The following KRT86 variants were observed in gnomAD, a reference collection of about 807,000 sequenced individuals.
KRT86 encodes keratin 86.
In KRT86, 30 loss-of-function variants were observed where a neutral mutation model predicts 41.2. The observed-to-expected ratio is 0.73, with a 90% CI of 0.54 to 0.99. KRT86 has a LOEUF of 0.99. KRT86 is among the 50% of genes least tolerant of loss of function. The probability of loss-of-function intolerance (pLI) is 0.00; values close to 1 mark genes in which losing one functional copy is unlikely to be tolerated. For missense variants in KRT86, 561 were observed against 571.4 expected (o/e 0.98, Z 0.19); for synonymous variants, 238 against 238.1 (o/e 1.00, Z 0.00).
intron 2 of KRT86, chr12:52,291,243 G>A (rs1938107948): frequency 6.6e-7 from 1 of 1,505,334 alleles, no homozygotes; most frequent in East Asian, 2.5e-5. Context: ...ATGCATGGGG[G>A]ACTGGGCCCG....
rs1430242932 is a variant in KRT86 at position 52,288,122 on chromosome 12, G to C, written c.-5+12176G>C. 4 of 1,614,058 alleles carry C rather than the reference G, an allele frequency of 2.5e-6. No homozygotes were observed. In the Admixed American group the frequency reaches 5.0e-5, roughly 20 times the overall value. On this transcript the variant is annotated intron_variant, in intron 2 of 10. Coordinates refer to ENST00000423955, the MANE Select transcript of KRT86 (RefSeq NM_001320198.2). Reference sequence around the variant, plus strand: ...GCTTGACAACCACGGAGGTGTCTGAGATGTGCGACTGGAGAATGAGGATCT... The same window carrying C: ...GCTTGACAACCACGGAGGTGTCTGACATGTGCGACTGGAGAATGAGGATCT...
intron 2 of KRT86, among the ~76,000 whole-genome samples, chr12:52,296,409 A>G (rs752192789): frequency 6.6e-6 from 1 of 152,156 alleles, no homozygotes; most frequent in Non-Finnish European, 1.5e-5. Flanking sequence ...AGAGGTGGGC[A>G]CTGTAGTTCC....
At position 52,305,653 on chromosome 12, in the gene KRT86, C is replaced by T; in HGVS notation, c.901-10C>T. On this transcript the variant is annotated splice_polypyrimidine_tract_variant and intron_variant, in intron 7 of 10. Transcript: ENST00000423955. ...ACCCTGAACCTCATGAGCATCTCTA[C>T]TTCCCCCAGTGTGAGGAGATGAAGG... 1.2e-6 allele frequency: 2 copies of T among 1,614,120 alleles called. No individual in the cohort carries two copies. The highest frequency in any genetic ancestry group is 1.1e-5 in the South Asian group (1 of 91,076).
At chr12:52,297,657 C>G (rs1412690212) in intron 2 of KRT86, among the ~76,000 whole-genome samples, 2 of 152,220 alleles carry the variant, frequency 1.3e-5, no homozygotes, top group Non-Finnish European at 2.9e-5. Flanking sequence ...ATCTCCAGAT[C>G]TGAAGGTCTT....
chr12:52,304,980 G>A lies in KRT86; in HGVS notation c.688G>A (p.Glu230Lys). The A allele has an allele frequency of 3.1e-6, 5 of 1,614,188 alleles. No homozygotes were observed. Among genetic ancestry groups the A allele is most frequent in the African/African-American group, 1.3e-5 (1 of 75,062 alleles). Residue 230 changes from glutamate (E) to lysine (K), a missense_variant, in exon 6 of 11, where the codon GAG becomes AAG. Glu to Lys is a moderately conservative substitution (Grantham distance 56, BLOSUM62 1). Transcript: ENST00000423955. ...LRKSDLEANV[E>K]ALIQEIDFLR... ...CAAATCAGACCTGGAGGCCAATGTG[G>A]AGGCCCTGATCCAGGAGATCGACTT...
chr12:52,277,127 G>A (rs1317648416), intron 2 of KRT86, among the ~76,000 whole-genome samples: 1 of 152,074 alleles, frequency 6.6e-6, no homozygotes, highest in African/African-American at 2.4e-5. Context: ...GTTCCCGTGA[G>A]GAATGGATAT....
chr12:52,292,919 C>G (rs1565743824), intron 2 of KRT86, among the ~76,000 whole-genome samples: 1 of 152,152 alleles, frequency 6.6e-6, no homozygotes, highest in African/African-American at 2.4e-5. Context: ...GGTGGATCAC[C>G]TGAGGTCAGG....
chr12:52,278,228 C>T (rs1344758525), intron 2 of KRT86, among the ~76,000 whole-genome samples: 8 of 151,862 alleles, frequency 5.3e-5, no homozygotes, highest in African/African-American at 1.9e-4. Flanking sequence ...TGATCACCTC[C>T]TTTAACACCT....
intron 8 of KRT86, 55 bp downstream of exon 8, chr12:52,305,843 A>G (rs1350386034): frequency 6.2e-7 from 1 of 1,613,862 alleles, no homozygotes; most frequent in East Asian, 2.2e-5. Context: ...CCATGGTCAC[A>G]CAGCCTATGT....
intron 5 of KRT86, 58 bp from the exon 6 acceptor site, chr12:52,304,874 G>A: frequency 6.4e-7 from 1 of 1,568,050 alleles, no homozygotes; most frequent in Non-Finnish European, 8.8e-7. Context: ...GGAAGAGAGA[G>A]GAATCTAGAG....
chr12:52,287,624 G>C, intron 2 of KRT86: 1 of 1,613,924 alleles, frequency 6.2e-7, no homozygotes, highest in Non-Finnish European at 8.5e-7. Context: ...CACCTCGGCC[G>C]TCAGCCTTTG....
intron 2 of KRT86, among the ~76,000 whole-genome samples, chr12:52,296,302 G>C (rs1938248057): frequency 6.6e-6 from 1 of 152,154 alleles, no homozygotes; most frequent in Non-Finnish European, 1.5e-5. Flanking sequence ...GGGAAGTATG[G>C]TGGAAGGGTC....
chr12:52,286,991 T>C, intron 2 of KRT86: 1 of 1,589,928 alleles, frequency 6.3e-7, no homozygotes, highest in Non-Finnish European at 8.6e-7. Flanking sequence ...CGGAAGTGAA[T>C]AATAATATTT....
At chr12:52,285,465 G>A (rs906867400) in intron 2 of KRT86, among the ~76,000 whole-genome samples, 5 of 152,148 alleles carry the variant, frequency 3.3e-5, no homozygotes, top group African/African-American at 9.7e-5. Context: ...TCAGGCATGA[G>A]TCTTCCCTAC....
intron 2 of KRT86, chr12:52,288,028 C>A (rs1938014028): frequency 6.2e-7 from 1 of 1,614,128 alleles, no homozygotes; most frequent in African/African-American, 1.3e-5. Flanking sequence ...CTGCGGGTGA[C>A]AATGTCGTCA....
At chr12:52,286,318 C>T (rs763593309) in intron 2 of KRT86, 4 of 1,554,502 alleles carry the variant, frequency 2.6e-6, no homozygotes, top group Non-Finnish European at 3.5e-6. Flanking sequence ...CACAGGAGCC[C>T]ACGCCGCAGG....
rs772581641 is a variant in KRT86 at position 52,308,502 on chromosome 12, A to G, written c.1378A>G (p.Ser460Gly). 4.2e-5 allele frequency: 67 copies of G among 1,607,962 alleles called. 1 individual carries two copies. In the East Asian group the frequency reaches 1.5e-3, roughly 35 times the overall value. ...CAGAGTCAGTAGCGTCCCCAGCAAC[A>G]GCAACGTGGTGGTGGGCACTACTAA... ...STRVSSVPSN[S>G]NVVVGTTNAC... is the part of the protein sequence containing the mutation. Residue 460 changes from serine to glycine, a missense_variant, in exon 11 of 11, where the codon AGC becomes GGC. Transcript: ENST00000423955.
rs545722935 is a variant in KRT86, at chr12:52,308,181, G to A, written c.1248-52G>A. Reference sequence around the variant, plus strand: ...GATGTCCCCCTCCACTTCAGTCACGGGGGCCCGGCGCCTTTTCCGCGGCAC... The same window carrying A: ...GATGTCCCCCTCCACTTCAGTCACGAGGGCCCGGCGCCTTTTCCGCGGCAC... On this transcript the variant is annotated intron_variant, in intron 9 of 10. Transcript: ENST00000423955. The A allele has an allele frequency of 5.3e-5, 86 of 1,613,580 alleles. No individual in the cohort carries two copies. In the African/African-American group the frequency reaches 1.1e-3, roughly 20 times the overall value.
intron 2 of KRT86, among the ~76,000 whole-genome samples, chr12:52,294,630 A>G (rs1166811542): frequency 6.6e-6 from 1 of 152,180 alleles, no homozygotes; most frequent in Non-Finnish European, 1.5e-5. Context: ...AACACAAAAA[A>G]TGCATAGGTG....
Sources: gnomAD v4.1 joint callset for allele counts (sites outside exome capture counted in the v4.1 genomes callset) on GRCh38, gnomAD v4.1.1 for gene constraint, MANE v1.5 for transcripts, NCBI Gene and HGNC (gene_info 2026-07-23, HGNC 2026-07-21) for gene names.